The following SLC26A7 variants were observed in gnomAD, a reference collection of about 807,000 sequenced individuals.
SLC26A7 encodes the protein solute carrier family 26 member 7, also known as anion exchange transporter.
SLC26A7 carries 59 observed loss-of-function variants against 82.5 expected under a neutral mutation model. The observed-to-expected ratio is 0.72, with a 90% CI of 0.58 to 0.89. The LOEUF is 0.89. Among genes scored for constraint, SLC26A7 ranks in the 40% least tolerant of loss-of-function variants. The pLI is 0.00. For synonymous variants in SLC26A7, 271 were observed against 274.3 expected (o/e 0.99, Z 0.12); for missense variants, 820 against 793.0 (o/e 1.03, Z -0.41).
At chr8:91,332,530 A>G (rs1306057334) in intron 5 of SLC26A7, among the ~76,000 whole-genome samples, 1 of 148,030 alleles carries the variant, frequency 6.8e-6, no homozygotes, top group Non-Finnish European at 1.5e-5. Flanking sequence ...ACACACACAC[A>G]CACATATTTA....
At chr8:91,361,300 C>G (rs1329114631) in intron 11 of SLC26A7, among the ~76,000 whole-genome samples, 1 of 152,070 alleles carries the variant, frequency 6.6e-6, no homozygotes, top group Admixed American at 6.6e-5. Flanking sequence ...TTATTTCAGA[C>G]TTGTCTGAAA....
In SLC26A7 at chr8:91,318,307, T is replaced by C. The variant is rs1170882717; in HGVS notation, c.569T>C (p.Val190Ala). The C allele has an allele frequency of 6.2e-7, 1 of 1,612,202 alleles. No homozygotes were observed. Among genetic ancestry groups the C allele is most frequent in the Admixed American group, 1.7e-5 (1 of 59,706 alleles). The change falls in exon 5 of 19, where the codon GTG becomes GCG. Residue 190 changes from valine to alanine, a missense_variant. Physicochemically the swap from Val to Ala is moderately conservative, Grantham distance 64. Coordinates refer to ENST00000276609, the MANE Select transcript of SLC26A7 (RefSeq NM_052832.4). ...ATGACAACTGGGGCTGCCACCCATG[T>C]GGTGACTTCACAAGTCAAATATCTC... ...SAMTTGAATH[V>A]VTSQVKYLLG...
At chr8:91,377,122 A>T (rs1212138207) in intron 15 of SLC26A7, among the ~76,000 whole-genome samples, 1 of 152,034 alleles carries the variant, frequency 6.6e-6, no homozygotes. Context: ...GTGCAATCCC[A>T]AGCAGGGAGG....
intron 2 of SLC26A7, among the ~76,000 whole-genome samples, chr8:91,219,535 A>G (rs1810124525): frequency 6.6e-6 from 1 of 152,178 alleles, no homozygotes; most frequent in South Asian, 2.1e-4. Context: ...CTCGTTTTAA[A>G]AAAACTTTTT....
At chr8:91,370,385 T>C (rs1814324249) in intron 15 of SLC26A7, among the ~76,000 whole-genome samples, 1 of 151,956 alleles carries the variant, frequency 6.6e-6, no homozygotes, top group Non-Finnish European at 1.5e-5. Flanking sequence ...CTTCTTCTTT[T>C]CATTTACTTA....
rs141500803 is a variant in SLC26A7 at position 91,217,779 on chromosome 8, C to A, written c.-149-1111C>A. Among the ~76,000 whole-genome samples, 271 of 152,284 alleles carry A rather than the reference C, an allele frequency of 1.8e-3. 5 individuals are homozygous for A. Among genetic ancestry groups the A allele is most frequent in the Admixed American group, 0.014 (210 of 15,278 alleles). ...AGACGTCCACTGAGGAGTTCAGAACCTGTTTGCTGATTGATGAATTAATAT... is the reference window on the plus strand; with the variant it reads ...AGACGTCCACTGAGGAGTTCAGAACATGTTTGCTGATTGATGAATTAATAT... On this transcript the variant is annotated intron_variant, in intron 1 of 5. Transcript: ENST00000522862.
At chr8:91,298,771 AATGCTGCT>A (rs1442195497) in intron 4 of SLC26A7, among the ~76,000 whole-genome samples, 1 of 152,150 alleles carries the variant, frequency 6.6e-6, no homozygotes, top group Non-Finnish European at 1.5e-5. Context: ...TCCCTTCCCT[AATGCTGCT>A]ATGTATGTGT....
chr8:91,381,635 G>A (rs1586474787), intron 15 of SLC26A7, among the ~76,000 whole-genome samples: 1 of 152,146 alleles, frequency 6.6e-6, no homozygotes, highest in East Asian at 1.9e-4. Flanking sequence ...ACCTTTGCTG[G>A]GTCCTCGTGA....
intron 9 of SLC26A7, among the ~76,000 whole-genome samples, 158 bp from the exon 10 acceptor site, chr8:91,351,652 T>C (rs548429260): frequency 1.9e-4 from 29 of 152,294 alleles, no homozygotes; most frequent in African/African-American, 6.5e-4. Context: ...TTGCAAAATA[T>C]AGATAATGAC....
rs780292821 is a variant in SLC26A7, at chr8:91,321,521, C to A, written c.642+3141C>A. The stretch of plus-strand genomic sequence containing the variant: ...GGCTTTCCCCTAGAACTTTGAATGC[C>A]CTTCGAGAATTTCTAGGGTCCACAT... On this transcript the variant is annotated intron_variant, in intron 5 of 18. Coordinates refer to ENST00000276609, the MANE Select transcript of SLC26A7 (RefSeq NM_052832.4). Among the ~76,000 whole-genome samples the A allele has an allele frequency of 1.5e-4, 23 of 152,246 alleles. 1 individual carries two copies. Among genetic ancestry groups the A allele is most frequent in the South Asian group, 1.2e-3 (6 of 4,826 alleles).
chr8:91,328,937 C>T (rs1285547393), intron 5 of SLC26A7, among the ~76,000 whole-genome samples: 1 of 151,884 alleles, frequency 6.6e-6, no homozygotes, highest in Admixed American at 6.6e-5. Flanking sequence ...TTTAAACAAC[C>T]AATATTACAG....
intron 13 of SLC26A7, among the ~76,000 whole-genome samples, chr8:91,364,169 G>A (rs192885203): frequency 6.6e-6 from 1 of 152,280 alleles, no homozygotes; most frequent in Admixed American, 6.5e-5. Flanking sequence ...ACAGTTTAAA[G>A]TGAGGGTAAA....
chr8:91,330,194 C>A (rs192218717), intron 5 of SLC26A7, among the ~76,000 whole-genome samples: 172 of 152,148 alleles, frequency 1.1e-3, no homozygotes, highest in Non-Finnish European at 2.1e-3. Context: ...GGATAGCCTG[C>A]GTTATGCTAA....
At chr8:91,295,065 G>A (rs1169978891) in intron 3 of SLC26A7, among the ~76,000 whole-genome samples, 2 of 152,134 alleles carry the variant, frequency 1.3e-5, no homozygotes, top group Non-Finnish European at 2.9e-5. Flanking sequence ...TGAATTTACT[G>A]AGGTCTTCAT....
chr8:91,217,688 G>T (rs1810078605), intron 1 of SLC26A7, among the ~76,000 whole-genome samples: 1 of 152,156 alleles, frequency 6.6e-6, no homozygotes, highest in African/African-American at 2.4e-5. Context: ...AGTGGTAGTT[G>T]CCCAAAGGAA....
chr8:91,335,873 G>A (rs904217242), intron 6 of SLC26A7, among the ~76,000 whole-genome samples: 2 of 152,124 alleles, frequency 1.3e-5, no homozygotes, highest in Non-Finnish European at 2.9e-5. Context: ...CTGCCAGTAT[G>A]TGGCAGCGTG....
intron 2 of SLC26A7, among the ~76,000 whole-genome samples, chr8:91,272,968 G>T (rs1811311955): frequency 6.6e-6 from 1 of 152,164 alleles, no homozygotes; most frequent in African/African-American, 2.4e-5. Flanking sequence ...GAATAGAAAA[G>T]AGGGACAAAT....
intron 2 of SLC26A7, among the ~76,000 whole-genome samples, chr8:91,240,235 G>T (rs993878769): frequency 6.6e-6 from 1 of 152,108 alleles, no homozygotes; most frequent in African/African-American, 2.4e-5. Flanking sequence ...AAAAAGTAAA[G>T]TTCCATAAGG....
intron 5 of SLC26A7, among the ~76,000 whole-genome samples, chr8:91,319,296 G>T (rs553679817): frequency 2.0e-5 from 3 of 152,154 alleles, no homozygotes; most frequent in African/African-American, 7.2e-5. Context: ...TAGATCAAAG[G>T]GGTATAAATT....
Sources: allele counts gnomAD v4.1 joint callset (sites outside exome capture counted in the v4.1 genomes callset), GRCh38; gene constraint gnomAD v4.1.1; transcripts MANE v1.5; gene names NCBI Gene and HGNC (gene_info 2026-07-23, HGNC 2026-07-21).